The following RARG variants were observed in gnomAD, a reference collection of about 807,000 sequenced individuals.
RARG encodes RAR-gamma.
A neutral mutation model predicts 43.7 loss-of-function variants in RARG; 17 were observed. The ratio of observed to expected loss-of-function variants is 0.39; its 90% confidence interval spans 0.27 to 0.58. RARG has a LOEUF of 0.58. Ranked by LOEUF, RARG falls within the 20% of genes least tolerant of loss-of-function variation. The pLI is 0.57. For synonymous variants in RARG, 238 were observed against 236.4 expected, an observed-to-expected ratio of 1.01 and a Z score of -0.06; for missense variants, 346 against 598.7, an observed-to-expected ratio of 0.58 and a Z score of 4.40.
chr12:53,230,118 T>G, intron 2 of RARG: 1 of 389,546 alleles, frequency 2.6e-6, no homozygotes, highest in South Asian at 1.1e-4. Flanking sequence ...TTGAAGGCAG[T>G]GCAGAGTAAA....
intron 3 of RARG, among the ~76,000 whole-genome samples, chr12:53,224,387 T>C (rs1203184595): frequency 6.6e-6 from 1 of 152,112 alleles, no homozygotes; most frequent in Non-Finnish European, 1.5e-5. Flanking sequence ...CCACCTCTCT[T>C]AGTCTATGTG....
chr12:53,219,042 G>A (rs772595179), intron 3 of RARG, among the ~76,000 whole-genome samples: 3 of 152,110 alleles, frequency 2.0e-5, no homozygotes, highest in Non-Finnish European at 4.4e-5. Context: ...TACTGCTCTG[G>A]AAAGGGGTTC....
At chr12:53,214,413 C>T (rs747934475) in intron 6 of RARG, 33 bp downstream of exon 6, 29 of 1,600,232 alleles carry the variant, frequency 1.8e-5, no homozygotes, top group African/African-American at 2.7e-5. Flanking sequence ...GTGAAGAGTG[C>T]CCTGCCCTCA....
Position 53,214,574 on chromosome 12 carries a change from C to G in RARG, c.508G>C (p.Glu170Gln). Residue 170 changes from glutamate (E) to glutamine (Q), a missense_variant, in exon 6 of 10, where the codon GAG becomes CAG. By Grantham distance (29) the Glu-to-Gln change is conservative (BLOSUM62 2). Around this residue, in one of 8 missense-constraint regions of RARG, gnomAD observed 67 missense variants for 79.6 expected, o/e 0.84. Coordinates refer to ENST00000425354, the MANE Select transcript of RARG (RefSeq NM_000966.6). ...VRNDRNKKKK[E>Q]VKEEGSPDSY... ...TCAGGTGACCCTTCTTCCTTCACCTCTTTCTTCTTCTTGTTCCGGTCATTT... is the reference window on the plus strand; with the variant it reads ...TCAGGTGACCCTTCTTCCTTCACCTGTTTCTTCTTCTTGTTCCGGTCATTT... The G allele has an allele frequency of 5.6e-6, 9 of 1,609,500 alleles. No individual in the cohort carries two copies. Among genetic ancestry groups the G allele is most frequent in the Non-Finnish European group, 6.8e-6 (8 of 1,176,078 alleles).
intron 2 of RARG, among the ~76,000 whole-genome samples, chr12:53,228,337 A>G (rs1943156322): frequency 6.6e-6 from 1 of 152,216 alleles, no homozygotes; most frequent in South Asian, 2.1e-4. Flanking sequence ...GACTAATAAT[A>G]GGGCCTACCT....
At position 53,214,290 on chromosome 12, in the gene RARG, G is replaced by A. The variant is rs112352919; in HGVS notation, c.637-55C>T. 1.1e-3 allele frequency: 1,766 copies of A among 1,560,570 alleles called. 20 individuals carry two copies. The East Asian group carries it at 0.017, about 15-fold the overall frequency. ...GGCAAGCTAAGGCCCACCTCTGGGG[G>A]CTGTCTTCTCTCTACCAATATCCCA... On this transcript the variant is annotated intron_variant, in intron 6 of 9. Transcript: ENST00000425354.
chr12:53,211,692 A>G lies in RARG; in HGVS notation c.1349T>C (p.Leu450Pro). The change falls in exon 10 of 10, where the codon CTG becomes CCG. Residue 450 changes from leucine to proline, a missense_variant. Leu to Pro is a moderately conservative substitution (Grantham distance 98). Coordinates refer to ENST00000425354, the MANE Select transcript of RARG (RefSeq NM_000966.6). The surrounding 1 kb of genome is among the most constrained non-coding windows in gnomAD (Gnocchi z 4.6). The stretch of plus-strand genomic sequence containing the variant: ...GGGCCCTGGTCAGGCTGGGGACTTC[A>G]GGCCCCCTTTGCCCTGGCCCCCAGG... ...EVPGGQGKGGLKSPA is the reference protein window; with the variant it reads ...EVPGGQGKGGPKSPA The G allele has an allele frequency of 2.0e-6, 3 of 1,535,658 alleles. No homozygotes were observed. The highest frequency in any genetic ancestry group is 4.2e-5 in the Admixed American group (2 of 47,640).
intron 3 of RARG, among the ~76,000 whole-genome samples, chr12:53,219,708 C>T (rs1942894690): frequency 6.6e-6 from 1 of 152,334 alleles, no homozygotes; most frequent in South Asian, 2.1e-4. Flanking sequence ...TCCCCAGGAA[C>T]TCTGGAGTGG....
At position 53,210,885 on chromosome 12, in the gene RARG, C is replaced by T. The variant is rs919613018; in HGVS notation, c.*791G>A. On this transcript the variant is annotated 3_prime_UTR_variant, in exon 10 of 10. Transcript: ENST00000425354. ...GCGGGATCAGCTAAGCAGCATCCCC[C>T]CTCCCTGGGCCAAGCTGCTCTGGGG... 1 of 151,968 alleles carries T rather than the reference C, an allele frequency of 6.6e-6. No homozygotes were observed. Among genetic ancestry groups the T allele is most frequent in the Non-Finnish European group, 1.5e-5 (1 of 67,572 alleles). 9.4% of individuals were successfully genotyped at this position (151,968 alleles called of 1,614,324 possible).
rs1942680294 is a variant in RARG at position 53,213,868 on chromosome 12, C to G, written c.814-168G>C. ...CTTGGCAGGGGTAGTCCCGGGAAGT[C>G]AGGAGGAGACAGGGCATCCAAAAGT... is the stretch of plus-strand genomic sequence containing the variant. On this transcript the variant is annotated intron_variant, in intron 7 of 9. Coordinates refer to ENST00000425354, the MANE Select transcript of RARG (RefSeq NM_000966.6). This position sits in a 1 kb window ranked among gnomAD's most constrained non-coding sequence, Gnocchi z 4.7. 9.5e-7 allele frequency: 1 copy of G among 1,052,358 alleles called. No individual in the cohort carries two copies. The highest frequency in any genetic ancestry group is 1.4e-6 in the Non-Finnish European group (1 of 717,932). The allele number at this position is 1,052,358 out of a possible 1,614,324, so 65.2% of individuals were successfully genotyped here.
chr12:53,220,407 G>T, intron 3 of RARG: 2 of 140,986 alleles, frequency 1.4e-5, no homozygotes, highest in South Asian at 1.8e-4. Flanking sequence ...GTGGGGGGTG[G>T]GGCTTGGAGA....
chr12:53,215,588 C>A lies in RARG; in HGVS notation c.333+58G>T. On this transcript the variant is annotated intron_variant, in intron 4 of 9. Transcript: ENST00000425354. This position sits in a 1 kb window ranked among gnomAD's most constrained non-coding sequence, Gnocchi z 6.4. ...CAGACACAGCATCTGTGTGCCTGGT[C>A]TCTCATCTTACTAGGGTAACTGGAT... 6.3e-7 allele frequency: 1 copy of A among 1,588,672 alleles called. No homozygotes were observed. The highest frequency in any genetic ancestry group is 1.1e-5 in the South Asian group (1 of 87,512).
At position 53,220,777 on chromosome 12, in the gene RARG, T is replaced by C. The variant is rs1592439845; in HGVS notation, c.185-4983A>G. Among the ~76,000 whole-genome samples, 3 of 152,120 alleles carry C rather than the reference T, an allele frequency of 2.0e-5. No individual in the cohort carries two copies. The East Asian group carries it at 5.8e-4, about 30-fold the overall frequency. On this transcript the variant is annotated intron_variant, in intron 3 of 9. Coordinates refer to ENST00000425354, the MANE Select transcript of RARG (RefSeq NM_000966.6). ...GCATTTCCTTTCAGAGTTTTCCCTCTCCCCAAACTCTCCCTTTTTCACACT... is the reference window on the plus strand; with the variant it reads ...GCATTTCCTTTCAGAGTTTTCCCTCCCCCCAAACTCTCCCTTTTTCACACT...
At chr12:53,220,904 C>G (rs928176458) in intron 3 of RARG, among the ~76,000 whole-genome samples, 1 of 152,168 alleles carries the variant, frequency 6.6e-6, no homozygotes, top group African/African-American at 2.4e-5. Flanking sequence ...ACCTCCACCC[C>G]TCTCATTCCC....
intron 3 of RARG, among the ~76,000 whole-genome samples, chr12:53,223,268 G>A (rs1265726422): frequency 2.6e-5 from 4 of 152,156 alleles, no homozygotes; most frequent in African/African-American, 7.2e-5. Context: ...TGAAAAGGGG[G>A]CATTTCAAAG....
intron 3 of RARG, among the ~76,000 whole-genome samples, chr12:53,218,784 C>CGCCCGCCGCCCCGCCCGCT (rs1565724044): frequency 1.3e-5 from 2 of 152,098 alleles, no homozygotes; most frequent in Non-Finnish European, 2.9e-5. Context: ...ACTCCCCCAG[C>CGCCCGCCGCCCCGCCCGCT]GCCCGCCGCC....
chr12:53,220,436 C>A, intron 3 of RARG: 2 of 760,572 alleles, frequency 2.6e-6, no homozygotes, highest in Non-Finnish European at 3.8e-6. Context: ...GGCCGGGCAC[C>A]GAGATGAGCA....
At chr12:53,221,743 G>A (rs1340577675) in intron 3 of RARG, among the ~76,000 whole-genome samples, 1 of 151,058 alleles carries the variant, frequency 6.6e-6, no homozygotes, top group Non-Finnish European at 1.5e-5. Context: ...CCTCCCCCGC[G>A]CCCCGCCCTC....
chr12:53,220,257 G>A, intron 3 of RARG: 3 of 1,364,118 alleles, frequency 2.2e-6, no homozygotes, highest in Non-Finnish European at 1.9e-6. Context: ...GGGCGGGGAA[G>A]AGGGGGGATC....
Sources: allele counts gnomAD v4.1 joint callset (sites outside exome capture counted in the v4.1 genomes callset), GRCh38; gene constraint gnomAD v4.1.1; regional missense constraint gnomAD v4.1.1; non-coding constraint Gnocchi (gnomAD v3.1); transcripts MANE v1.5; gene names NCBI Gene and HGNC (gene_info 2026-07-23, HGNC 2026-07-21).